FAM228B: variants seen among roughly 807,000 people sequenced by gnomAD.
FAM228B encodes the protein protein FAM228B.
In FAM228B, 38 loss-of-function variants were observed where a neutral mutation model predicts 42.6. The ratio of observed to expected loss-of-function variants is 0.89; its 90% CI spans 0.69 to 1.17. FAM228B has a LOEUF of 1.17. Among genes scored for constraint, FAM228B ranks in the 50% most tolerant of loss-of-function variants. The pLI is 0.00. For synonymous variants in FAM228B, 109 were observed against 122.3 expected (o/e 0.89, Z 0.72); for missense variants, 344 against 367.3 (o/e 0.94, Z 0.52).
chr2:24,120,242 C>T (rs1666062428), upstream of FAM228B, among the ~76,000 whole-genome samples: 1 of 151,396 alleles, frequency 6.6e-6, no homozygotes, highest in Non-Finnish European at 1.5e-5. Flanking sequence ...GCACTCCAGC[C>T]TGGGCGACAA....
intron 7 of FAM228B, among the ~76,000 whole-genome samples, chr2:24,154,585 A>G (rs1667091568): frequency 6.6e-6 from 1 of 152,242 alleles, no homozygotes. Flanking sequence ...AGTCCAGCTA[A>G]TCATCAATGT....
chr2:24,141,266 C>T (rs541992187), intron 5 of FAM228B, among the ~76,000 whole-genome samples: 6 of 151,934 alleles, frequency 3.9e-5, no homozygotes, highest in African/African-American at 1.4e-4. Context: ...TGTTTTGAGA[C>T]GGAGTCTTGC....
chr2:24,109,666 G>A (rs1052732303), intron 3 of FAM228B, among the ~76,000 whole-genome samples: 9 of 152,154 alleles, frequency 5.9e-5, no homozygotes, highest in African/African-American at 1.7e-4. Flanking sequence ...CATATATGCA[G>A]CCAAAAAGCA....
At chr2:24,090,945 C>A (rs956570650) in intron 2 of FAM228B, among the ~76,000 whole-genome samples, 1 of 152,132 alleles carries the variant, frequency 6.6e-6, no homozygotes, top group African/African-American at 2.4e-5. Context: ...AGCCACCACA[C>A]CCAGATAGTT....
chr2:24,121,157 A>G (rs1666103018), upstream of FAM228B: 1 of 1,614,010 alleles, frequency 6.2e-7, no homozygotes, highest in Non-Finnish European at 8.5e-7. Flanking sequence ...AATCTTGAGC[A>G]CTCACATTTT....
intron 3 of FAM228B, among the ~76,000 whole-genome samples, chr2:24,098,337 G>A (rs1173041458): frequency 6.6e-6 from 1 of 152,036 alleles, no homozygotes; most frequent in African/African-American, 2.4e-5. Flanking sequence ...AAATCAAGGA[G>A]TCCAGGAGCT....
intron 7 of FAM228B, among the ~76,000 whole-genome samples, chr2:24,153,913 G>T (rs1441415012): frequency 6.6e-6 from 1 of 152,196 alleles, no homozygotes; most frequent in African/African-American, 2.4e-5. Context: ...GCTAAGGCTG[G>T]TCCAAATGTT....
At chr2:24,158,684 G>A (rs1365338466) in intron 7 of FAM228B, among the ~76,000 whole-genome samples, 2 of 152,144 alleles carry the variant, frequency 1.3e-5, no homozygotes, top group South Asian at 2.1e-4. Context: ...TCTCAGTCAC[G>A]ATGGTGGCAA....
intron 2 of FAM228B, among the ~76,000 whole-genome samples, chr2:24,126,157 A>G (rs74651836): frequency 0.029 from 4,414 of 152,288 alleles, 83 homozygotes; most frequent in African/African-American, 0.055. Flanking sequence ...GTATGGACGT[A>G]TGCTTTCATT....
chr2:24,079,363 G>C, intron 1 of FAM228B: 1 of 1,477,852 alleles, frequency 6.8e-7, no homozygotes, highest in Non-Finnish European at 9.3e-7. Flanking sequence ...ATCTAAGGTA[G>C]AGCTTCCTTT....
At chr2:24,121,083 G>A, upstream of FAM228B, 1 of 1,538,744 alleles carries the variant, frequency 6.5e-7, no homozygotes, top group Non-Finnish European at 8.8e-7. Flanking sequence ...CTGTTTTACA[G>A]AAAGGATCAG....
At chr2:24,091,277 C>CA (rs1354437330) in intron 2 of FAM228B, among the ~76,000 whole-genome samples, 2 of 152,114 alleles carry the variant, frequency 1.3e-5, no homozygotes, top group Non-Finnish European at 1.5e-5. Flanking sequence ...ACTAAAAATA[C>CA]AAAAAATTAG....
chr2:24,136,754 C>T (rs1022012873), intron 3 of FAM228B, among the ~76,000 whole-genome samples: 7 of 152,058 alleles, frequency 4.6e-5, no homozygotes, highest in Admixed American at 2.0e-4. Flanking sequence ...TCAGTGTATG[C>T]GATATAAAAG....
At chr2:24,114,524 G>A (rs1042690157) in intron 3 of FAM228B, among the ~76,000 whole-genome samples, 1 of 151,916 alleles carries the variant, frequency 6.6e-6, no homozygotes, top group African/African-American at 2.4e-5. Context: ...GAGGGATCTA[G>A]AGAACAGTGT....
At chr2:24,121,544 A>G (rs1354919916), upstream of FAM228B, among the ~76,000 whole-genome samples, 4 of 152,200 alleles carry the variant, frequency 2.6e-5, no homozygotes, top group African/African-American at 4.8e-5. Flanking sequence ...TCTTTTATGT[A>G]TGGCTGTTTT....
At chr2:24,127,125 C>G (rs1666334231) in intron 2 of FAM228B, among the ~76,000 whole-genome samples, 1 of 152,132 alleles carries the variant, frequency 6.6e-6, no homozygotes, top group Non-Finnish European at 1.5e-5. Flanking sequence ...CTCTCTGGCT[C>G]CTGGCAACAC....
At chr2:24,102,707 C>T (rs1558371259) in intron 3 of FAM228B, among the ~76,000 whole-genome samples, 1 of 152,194 alleles carries the variant, frequency 6.6e-6, no homozygotes, top group African/African-American at 2.4e-5. Context: ...CATTGCACTC[C>T]AGCCTGGGCA....
chr2:24,099,244 G>A (rs1021123995), intron 3 of FAM228B, among the ~76,000 whole-genome samples: 5 of 151,094 alleles, frequency 3.3e-5, no homozygotes, highest in South Asian at 2.1e-4. Context: ...CCACTCCTAC[G>A]CAACATAGTG....
At chr2:24,110,719 CATG>C (rs2150999482) in intron 3 of FAM228B, among the ~76,000 whole-genome samples, 2 of 152,322 alleles carry the variant, frequency 1.3e-5, no homozygotes, top group African/African-American at 4.8e-5. Context: ...GTAGCCTTTT[CATG>C]AGTTCTGTAG....
Sources: allele counts gnomAD v4.1 joint callset (sites outside exome capture counted in the v4.1 genomes callset), GRCh38; gene constraint gnomAD v4.1.1; transcripts MANE v1.5; gene names NCBI Gene and HGNC (gene_info 2026-07-23, HGNC 2026-07-21).